Variants in PLCH1 observed in about 807,000 individuals in gnomAD.
PLCH1 encodes the protein phospholipase C eta 1, also known as 1-phosphatidylinositol 4,5-bisphosphate phosphodiesterase eta-1.
PLCH1 carries 60 observed loss-of-function variants against 126.7 expected under a neutral mutation model. The ratio of observed to expected loss-of-function variants is 0.47; its 90% CI spans 0.38 to 0.59. PLCH1 has a LOEUF of 0.59. PLCH1 is among the 20% of genes least tolerant of loss of function. PLCH1 has a pLI of 0.00. For synonymous variants in PLCH1, 719 were observed against 734.9 expected (o/e 0.98, Z 0.35); for missense variants, 1,723 against 2,040.0 (o/e 0.84, Z 2.99).
chr3:155,486,763 A>T (rs1002244303), intron 21 of PLCH1, among the ~76,000 whole-genome samples: 1 of 151,830 alleles, frequency 6.6e-6, no homozygotes, highest in African/African-American at 2.4e-5. Flanking sequence ...TGACCTCATG[A>T]TCCACCCGCC....
chr3:155,646,812 A>T (rs1740115929), intron 2 of PLCH1, among the ~76,000 whole-genome samples: 1 of 152,228 alleles, frequency 6.6e-6, no homozygotes, highest in Admixed American at 6.5e-5. Flanking sequence ...CTATACTCTG[A>T]AAAGATAAAC....
chr3:155,698,783 A>T (rs1380128361), intron 2 of PLCH1, among the ~76,000 whole-genome samples: 1 of 152,140 alleles, frequency 6.6e-6, no homozygotes, highest in Non-Finnish European at 1.5e-5. Context: ...CACCACCTGC[A>T]AGATACACCT....
chr3:155,680,253 T>C (rs1744404987), intron 2 of PLCH1, among the ~76,000 whole-genome samples: 1 of 151,746 alleles, frequency 6.6e-6, no homozygotes, highest in Non-Finnish European at 1.5e-5. Context: ...TGTGGTGGCG[T>C]GAACCTGTAG....
chr3:155,466,386 A>T (rs528335191), intron 21 of PLCH1, among the ~76,000 whole-genome samples: 1 of 152,350 alleles, frequency 6.6e-6, no homozygotes, highest in East Asian at 1.9e-4. Flanking sequence ...GTCCAAAATC[A>T]TCAAGGTGGT....
At position 155,482,815 on chromosome 3, in the gene PLCH1, A is replaced by G. The variant is rs1033674396; in HGVS notation, c.3211T>C (p.Cys1071Arg). 7 of 1,614,084 alleles carry G rather than the reference A, an allele frequency of 4.3e-6. No individual in the cohort carries two copies. The highest frequency in any genetic ancestry group is 3.4e-6 in the Non-Finnish European group (4 of 1,180,022). ...NATSNCQENP[C>R]PSKSLSPKQH... is the part of the protein sequence containing the mutation. ...TTTGGGGAGAGAGACTTGCTGGGACAGGGGTTTTCCTGGCAATTGCTTGTG... is the reference window on the plus strand; with the variant it reads ...TTTGGGGAGAGAGACTTGCTGGGACGGGGGTTTTCCTGGCAATTGCTTGTG... Residue 1071 changes from cysteine (C) to arginine (R), a missense_variant, in exon 23 of 23, where the codon TGT (cysteine) becomes CGT (arginine). By Grantham distance (180) the Cys-to-Arg change is radical. This residue lies in a region of PLCH1 where 947 missense variants were observed against 977.1 expected (regional missense o/e 0.97). Transcript: ENST00000460012.
intron 21 of PLCH1, among the ~76,000 whole-genome samples, chr3:155,473,494 T>A (rs1224216150): frequency 4.7e-5 from 7 of 150,258 alleles, no homozygotes; most frequent in African/African-American, 1.5e-4. Context: ...AAAATGGCCA[T>A]ACTGCCCAAG....
chr3:155,516,035 T>A (rs1260350997), intron 11 of PLCH1, among the ~76,000 whole-genome samples: 8 of 152,222 alleles, frequency 5.3e-5, no homozygotes, highest in Admixed American at 2.6e-4. Context: ...GGATAGGTTA[T>A]TGAATTTCCC....
intron 10 of PLCH1, among the ~76,000 whole-genome samples, chr3:155,534,692 C>T (rs986920403): frequency 6.6e-6 from 1 of 152,164 alleles, no homozygotes; most frequent in Non-Finnish European, 1.5e-5. Context: ...TCATAATCCT[C>T]ATAATACCCA....
intron 21 of PLCH1, among the ~76,000 whole-genome samples, chr3:155,470,057 C>T (rs1325748646): frequency 6.6e-5 from 10 of 152,120 alleles, no homozygotes; most frequent in Non-Finnish European, 1.2e-4. Flanking sequence ...TCACCAGCAA[C>T]GGAACAAAGC....
At chr3:155,497,454 A>C in intron 14 of PLCH1, 37 bp from the exon 15 acceptor site, 1 of 1,435,872 alleles carries the variant, frequency 7.0e-7, no homozygotes, top group African/African-American at 1.4e-5. Context: ...GACATTTTGG[A>C]GTTGAAAGAG....
intron 4 of PLCH1, among the ~76,000 whole-genome samples, chr3:155,590,600 A>T (rs1421265880): frequency 6.6e-6 from 1 of 151,168 alleles, no homozygotes; most frequent in African/African-American, 2.4e-5. Flanking sequence ...AATACAAAAA[A>T]TTAGCCTGGC....
intron 2 of PLCH1, among the ~76,000 whole-genome samples, chr3:155,616,825 CTG>C (rs943447994): frequency 4.6e-5 from 7 of 152,080 alleles, no homozygotes; most frequent in Non-Finnish European, 1.0e-4. Flanking sequence ...AATAAATAAA[CTG>C]TGGTCTTAAT....
intron 2 of PLCH1, among the ~76,000 whole-genome samples, chr3:155,625,109 C>A (rs569224613): frequency 6.6e-6 from 1 of 152,170 alleles, no homozygotes; most frequent in Non-Finnish European, 1.5e-5. Flanking sequence ...ACCATCTGAT[C>A]TTTGACAAAC....
At chr3:155,606,599 G>C (rs925079819) in intron 2 of PLCH1, among the ~76,000 whole-genome samples, 4 of 152,172 alleles carry the variant, frequency 2.6e-5, no homozygotes, top group African/African-American at 9.7e-5. Flanking sequence ...ACTCTAAGTG[G>C]CAGTTGCTTA....
At chr3:155,522,653 A>G (rs1721255198) in intron 11 of PLCH1, among the ~76,000 whole-genome samples, 1 of 152,096 alleles carries the variant, frequency 6.6e-6, no homozygotes, top group African/African-American at 2.4e-5. Context: ...TAACAATGTA[A>G]TAACTGAATT....
chr3:155,641,132 T>TTCTACAAA (rs1310573631), intron 2 of PLCH1, among the ~76,000 whole-genome samples: 1 of 151,916 alleles, frequency 6.6e-6, no homozygotes, highest in Non-Finnish European at 1.5e-5. Context: ...CTTTCTACAA[T>TTCTACAAA]TACTTGAGCC....
chr3:155,574,301 C>CTT (rs1274930316), intron 6 of PLCH1, among the ~76,000 whole-genome samples: 16 of 152,230 alleles, frequency 1.1e-4, no homozygotes, highest in African/African-American at 3.9e-4. Flanking sequence ...AATCTGAAGC[C>CTT]CTAACCATAT....
At chr3:155,452,442 A>G (rs1325166933) in intron 21 of PLCH1, among the ~76,000 whole-genome samples, 35 of 152,164 alleles carry the variant, frequency 2.3e-4, no homozygotes, top group Admixed American at 2.2e-3. Flanking sequence ...ACCCTGGTTA[A>G]CATAGATGAT....
At chr3:155,634,620 C>T (rs1738498796) in intron 2 of PLCH1, among the ~76,000 whole-genome samples, 1 of 152,196 alleles carries the variant, frequency 6.6e-6, no homozygotes, top group South Asian at 2.1e-4. Context: ...TGAAGCCTGG[C>T]TCTGGGCTCC....
Sources: gnomAD v4.1 joint callset for allele counts (sites outside exome capture counted in the v4.1 genomes callset) on GRCh38, gnomAD v4.1.1 for gene constraint, gnomAD v4.1.1 regional missense constraint, MANE v1.5 for transcripts, NCBI Gene and HGNC (gene_info 2026-07-23, HGNC 2026-07-21) for gene names.